RTKN2: variants seen among roughly 807,000 people sequenced by gnomAD.
RTKN2 encodes the protein rhotekin-2.
A neutral mutation model predicts 71.5 loss-of-function variants in RTKN2; 69 were observed. That is an observed-to-expected ratio of 0.96 (90% confidence interval 0.79 to 1.18). RTKN2 has a LOEUF of 1.18. Among genes scored for constraint, RTKN2 ranks in the 50% most tolerant of loss-of-function variants. RTKN2 has a pLI of 0.00. For missense variants in RTKN2, 724 were observed against 719.7 expected (o/e 1.01, Z -0.07); for synonymous variants, 236 against 236.5 (o/e 1.00, Z 0.02).
chr10:62,209,924 A>G (rs1296875400), intron 9 of RTKN2, among the ~76,000 whole-genome samples: 1 of 152,162 alleles, frequency 6.6e-6, no homozygotes, highest in Non-Finnish European at 1.5e-5. Context: ...TGCAATGAAA[A>G]TATGTGTGCA....
intron 9 of RTKN2, chr10:62,215,120 A>AT: frequency 1.5e-6 from 2 of 1,297,082 alleles, no homozygotes; most frequent in South Asian, 1.4e-5. Flanking sequence ...TTTAGATTAC[A>AT]TTTTATTTTA....
chr10:62,235,650 A>C (rs1212132944), intron 6 of RTKN2, among the ~76,000 whole-genome samples: 2 of 143,120 alleles, frequency 1.4e-5, no homozygotes, highest in African/African-American at 5.2e-5. Context: ...AATTACCTTC[A>C]GGCTATATGT....
intron 5 of RTKN2, 150 bp downstream of exon 5, chr10:62,239,498 C>A (rs1029691731): frequency 4.1e-5 from 19 of 462,800 alleles, no homozygotes; most frequent in Non-Finnish European, 6.1e-5. Context: ...TTCTTCTGAA[C>A]AAAATGATTT....
intron 3 of RTKN2, among the ~76,000 whole-genome samples, chr10:62,243,908 T>A (rs940411734): frequency 6.6e-6 from 1 of 152,214 alleles, no homozygotes; most frequent in Non-Finnish European, 1.5e-5. Flanking sequence ...TGATTTGGTT[T>A]ATTCATTAAA....
intron 6 of RTKN2, among the ~76,000 whole-genome samples, chr10:62,232,106 C>T (rs764190157): frequency 2.6e-4 from 39 of 151,924 alleles, no homozygotes; most frequent in Non-Finnish European, 4.6e-4. Context: ...ACAAATGGCA[C>T]GCAAGATTCA....
At chr10:62,232,680 A>G (rs1252873163) in intron 6 of RTKN2, among the ~76,000 whole-genome samples, 1 of 152,046 alleles carries the variant, frequency 6.6e-6, no homozygotes, top group Non-Finnish European at 1.5e-5. Flanking sequence ...ATGTGGCTAC[A>G]TTTTATAATC....
At chr10:62,226,833 C>T (rs1971778) in intron 6 of RTKN2, among the ~76,000 whole-genome samples, 28,270 of 152,138 alleles carry the variant, frequency 0.19, 2,930 homozygotes, top group African/African-American at 0.27. Context: ...TGGTGGCTCA[C>T]GCCTATAATG....
At chr10:62,259,922 A>G (rs1347810540) in intron 2 of RTKN2, among the ~76,000 whole-genome samples, 1 of 152,056 alleles carries the variant, frequency 6.6e-6, no homozygotes. Flanking sequence ...ATCCTTCACA[A>G]TCTAGAAGAT....
At chr10:62,226,893 G>A (rs545584894) in intron 6 of RTKN2, among the ~76,000 whole-genome samples, 12 of 152,284 alleles carry the variant, frequency 7.9e-5, no homozygotes, top group East Asian at 1.9e-4. Context: ...CCCGGGAGGC[G>A]GAGGCTGCAG....
intron 3 of RTKN2, among the ~76,000 whole-genome samples, chr10:62,241,736 T>C (rs950443526): frequency 6.6e-6 from 1 of 152,092 alleles, no homozygotes; most frequent in Non-Finnish European, 1.5e-5. Flanking sequence ...GTGCCATCTG[T>C]TGCCCAGGCT....
intron 3 of RTKN2, among the ~76,000 whole-genome samples, chr10:62,242,920 T>C (rs779999816): frequency 2.6e-5 from 4 of 152,190 alleles, no homozygotes; most frequent in Non-Finnish European, 5.9e-5. Flanking sequence ...CATGAGCCAC[T>C]GTGCTGGGCC....
Position 62,196,713 on chromosome 10 carries a change from T to G in RTKN2, c.*1195A>C, listed in dbSNP as rs1841339393. 1.0e-6 allele frequency: 1 copy of G among 984,618 alleles called. No individual in the cohort carries two copies. Among genetic ancestry groups the G allele is most frequent in the South Asian group, 4.7e-5 (1 of 21,276 alleles). The allele number at this position is 984,618 out of a possible 1,614,324, so 61.0% of individuals were successfully genotyped here. ...GTTCAGTGTGATTTGAGATTTTTAG[T>G]GCTGTTGCTGACACCTTATGGAAAC... On this transcript the variant is annotated 3_prime_UTR_variant, in exon 12 of 12. Coordinates refer to ENST00000373789, the MANE Select transcript of RTKN2 (RefSeq NM_145307.4).
rs761800276 is a variant in RTKN2, at chr10:62,246,063, A to C, written c.258-6T>G. The C allele has an allele frequency of 2.3e-5, 36 of 1,560,908 alleles. No homozygotes were observed. Among genetic ancestry groups the C allele is most frequent in the Non-Finnish European group, 2.6e-6 (3 of 1,147,694 alleles). On this transcript the variant is annotated splice_region_variant and splice_polypyrimidine_tract_variant and intron_variant, in intron 2 of 11. Transcript: ENST00000373789. ...TACTTTCAAATTTCACATCACTGTCAAAACAAAAAAACTTATGGAAAAAAG... is the reference window on the plus strand; with the variant it reads ...TACTTTCAAATTTCACATCACTGTCCAAACAAAAAAACTTATGGAAAAAAG...
chr10:62,211,115 C>T (rs542336525), intron 9 of RTKN2, among the ~76,000 whole-genome samples: 52 of 152,040 alleles, frequency 3.4e-4, no homozygotes, highest in Admixed American at 2.6e-3. Context: ...TTTTTTTAAC[C>T]GTCACACCCC....
At chr10:62,246,885 A>G (rs369344545) in intron 2 of RTKN2, among the ~76,000 whole-genome samples, 1 of 152,040 alleles carries the variant, frequency 6.6e-6, no homozygotes, top group Non-Finnish European at 1.5e-5. Flanking sequence ...TGAAAACTTT[A>G]AAAAGATAGA....
intron 2 of RTKN2, among the ~76,000 whole-genome samples, chr10:62,246,454 T>C (rs185633815): frequency 6.6e-6 from 1 of 152,198 alleles, no homozygotes; most frequent in Admixed American, 6.5e-5. Context: ...GAAAAGTTAA[T>C]GAACTTCCCA....
chr10:62,226,950 G>C (rs748275333), intron 6 of RTKN2, among the ~76,000 whole-genome samples: 7 of 152,118 alleles, frequency 4.6e-5, no homozygotes, highest in Non-Finnish European at 7.4e-5. Flanking sequence ...GACAGAATGA[G>C]ACTGTCTCAA....
downstream of RTKN2, among the ~76,000 whole-genome samples, chr10:62,191,620 T>C (rs1242630603): frequency 6.6e-6 from 1 of 152,216 alleles, no homozygotes; most frequent in Non-Finnish European, 1.5e-5. Context: ...ATGTTAGATA[T>C]ATGGGAGGCA....
intron 3 of RTKN2, 73 bp from the exon 4 acceptor site, chr10:62,241,268 C>G: frequency 1.2e-6 from 1 of 817,512 alleles, no homozygotes; most frequent in South Asian, 1.6e-5. Flanking sequence ...ACCTGAACCT[C>G]TGCATTCCAT....
Sources: gnomAD v4.1 joint callset for allele counts (sites outside exome capture counted in the v4.1 genomes callset) on GRCh38, gnomAD v4.1.1 for gene constraint, MANE v1.5 for transcripts, NCBI Gene and HGNC (gene_info 2026-07-23, HGNC 2026-07-21) for gene names.